The following PPP1R37 variants were observed in gnomAD, a reference collection of about 807,000 sequenced individuals.
PPP1R37 encodes the protein protein phosphatase 1 regulatory subunit 37, also known as leucine rich repeat containing 68.
Under a neutral mutation model 61.0 loss-of-function variants are expected in PPP1R37, and 21 were observed. That is an observed-to-expected ratio of 0.34 (90% CI 0.24 to 0.50). The LOEUF (loss-of-function observed/expected upper bound fraction) is 0.50, where lower values mean the gene tolerates loss of function less well. Among genes scored for constraint, PPP1R37 ranks in the 20% least tolerant of loss-of-function variants. The probability of loss-of-function intolerance (pLI) is 0.98; values close to 1 mark genes in which losing one functional copy is unlikely to be tolerated. For missense variants in PPP1R37, 910 were observed against 952.7 expected (o/e 0.96, Z 0.59); for synonymous variants, 443 against 433.5 (o/e 1.02, Z -0.27).
intron 1 of PPP1R37, among the ~76,000 whole-genome samples, chr19:45,110,771 A>G (rs1007770337): frequency 6.6e-6 from 1 of 152,226 alleles, no homozygotes; most frequent in Non-Finnish European, 1.5e-5. Context: ...AGAAATTCCA[A>G]GCACCTGGTT....
chr19:45,124,514 T>C (rs1339738751), intron 1 of PPP1R37, among the ~76,000 whole-genome samples: 3 of 152,148 alleles, frequency 2.0e-5, no homozygotes, highest in Non-Finnish European at 4.4e-5. Flanking sequence ...CCTGTCTGCC[T>C]GGCCTTTCCT....
At chr19:45,116,530 C>T (rs1016329817) in intron 1 of PPP1R37, among the ~76,000 whole-genome samples, 1 of 152,220 alleles carries the variant, frequency 6.6e-6, no homozygotes, top group African/African-American at 2.4e-5. Flanking sequence ...TCTCAGCAGG[C>T]CTGAGGAGGG....
chr19:45,107,253 G>A (rs1968143984), intron 1 of PPP1R37, among the ~76,000 whole-genome samples: 1 of 151,910 alleles, frequency 6.6e-6, no homozygotes, highest in African/African-American at 2.4e-5. Flanking sequence ...AGCACTTTGG[G>A]AGGCCGAAGA....
chr19:45,138,079 C>A (rs553414814), intron 1 of PPP1R37, among the ~76,000 whole-genome samples: 4 of 152,218 alleles, frequency 2.6e-5, no homozygotes, highest in African/African-American at 9.6e-5. Flanking sequence ...GCCATGTTCT[C>A]ACCACTTTAC....
At chr19:45,124,108 T>G (rs1968372776) in intron 1 of PPP1R37, among the ~76,000 whole-genome samples, 2 of 152,056 alleles carry the variant, frequency 1.3e-5, no homozygotes, top group Non-Finnish European at 1.5e-5. Context: ...CATAGTCCAG[T>G]GGGGGAGACA....
At chr19:45,128,992 C>T (rs1599704850) in intron 1 of PPP1R37, 1 of 827,618 alleles carries the variant, frequency 1.2e-6, no homozygotes, top group Non-Finnish European at 2.0e-6. Flanking sequence ...TCTGCCATGA[C>T]AGAGGAGGCA....
At position 45,121,628 on chromosome 19, in the gene PPP1R37, G is replaced by A. The variant is rs548127948; in HGVS notation, c.203-16886G>A. Among the ~76,000 whole-genome samples the A allele has an allele frequency of 8.5e-5, 13 of 152,346 alleles. No individual in the cohort carries two copies. The highest frequency in any genetic ancestry group is 3.1e-4 in the African/African-American group (13 of 41,582). ...ACGCAAGGACCTGAGAGATGTGTGGGCAGCTGTGTGCAGTGTATACAGGGA... is the reference window on the plus strand; with the variant it reads ...ACGCAAGGACCTGAGAGATGTGTGGACAGCTGTGTGCAGTGTATACAGGGA... On this transcript the variant is annotated intron_variant, in intron 1 of 12. Transcript: ENST00000221462. The surrounding 1 kb of genome is among the most constrained non-coding windows in gnomAD (Gnocchi z 4.2).
At chr19:45,127,115 C>G (rs746891533) in intron 1 of PPP1R37, among the ~76,000 whole-genome samples, 17 of 152,136 alleles carry the variant, frequency 1.1e-4, no homozygotes, top group Admixed American at 3.9e-4. Flanking sequence ...TGTGGGAGTT[C>G]TAGATGGGCG....
chr19:45,111,956 G>T (rs1293258501), intron 1 of PPP1R37, among the ~76,000 whole-genome samples: 1 of 151,678 alleles, frequency 6.6e-6, no homozygotes, highest in Non-Finnish European at 1.5e-5. Context: ...CCTGGGTCTT[G>T]GTTTTTCTTT....
At chr19:45,129,088 C>T in intron 1 of PPP1R37, 2 of 614,466 alleles carry the variant, frequency 3.3e-6, no homozygotes, top group Admixed American at 4.1e-5. Flanking sequence ...TGCAGAGGCC[C>T]CCTCCTCTGG....
At chr19:45,140,946 C>T (rs557553387) in intron 4 of PPP1R37, among the ~76,000 whole-genome samples, 14 of 152,226 alleles carry the variant, frequency 9.2e-5, no homozygotes, top group African/African-American at 3.1e-4. Flanking sequence ...TGAGAGCAGC[C>T]TCCCATCAAG....
chr19:45,144,445 G>C (rs533605648), intron 8 of PPP1R37: 12 of 180,286 alleles, frequency 6.7e-5, no homozygotes, highest in Non-Finnish European at 1.3e-4. Context: ...ACCGTGCCTG[G>C]TTTTCAGTTT....
chr19:45,136,605 A>T (rs1291294846), intron 1 of PPP1R37, among the ~76,000 whole-genome samples: 1 of 152,090 alleles, frequency 6.6e-6, no homozygotes, highest in Non-Finnish European at 1.5e-5. Flanking sequence ...TTCTGTCTGC[A>T]AGAGGGGCAC....
intron 1 of PPP1R37, among the ~76,000 whole-genome samples, chr19:45,106,026 C>T (rs1968125604): frequency 6.6e-6 from 1 of 152,240 alleles, no homozygotes; most frequent in South Asian, 2.1e-4. Flanking sequence ...GCGGGGCCAT[C>T]TGACTGAATG....
At position 45,145,856 on chromosome 19, in the gene PPP1R37, C is replaced by T. The variant is rs1020290394; in HGVS notation, c.1800C>T (p.Ala600=). 9 of 1,526,972 alleles carry T rather than the reference C, an allele frequency of 5.9e-6. No homozygotes were observed. In the African/African-American group the frequency reaches 8.3e-5, roughly 14 times the overall value. The allele number at this position is 1,526,972 out of a possible 1,614,324, so 94.6% of individuals were successfully genotyped here. A position where few individuals can be genotyped will look rare whatever the true frequency, so the allele number is the denominator to read the frequency against. ...CCCCACCCCCTCCCTCCCCACCCGC[C>T]TCACCTTCCCTACCACCAGCCGGGG... ...PSPPPPPSPP[A]SPSLPPAGAI... is the part of the protein sequence containing the mutation. Residue 600 remains alanine (A), a synonymous_variant, in exon 11 of 13, where the codon GCC becomes GCT. Coordinates refer to ENST00000221462, the MANE Select transcript of PPP1R37 (RefSeq NM_019121.2).
intron 7 of PPP1R37, chr19:45,142,735 C>A: frequency 2.1e-6 from 1 of 479,028 alleles, no homozygotes; most frequent in Non-Finnish European, 3.7e-6. Flanking sequence ...CAGGATGAGG[C>A]GAAGTGAATA....
At chr19:45,135,191 T>G (rs943170569) in intron 1 of PPP1R37, among the ~76,000 whole-genome samples, 8 of 152,070 alleles carry the variant, frequency 5.3e-5, no homozygotes, top group African/African-American at 1.9e-4. Flanking sequence ...GAGGTTGCAG[T>G]GGGCTGAGAT....
In PPP1R37 at chr19:45,146,614, A is replaced by G. The variant is rs1968705402; in HGVS notation, c.*52A>G. ...TCTGCGATGAGCTGAGGCCAGAGCC[A>G]TGAGAATCTGCTCACCTTCCCCCCA... On this transcript the variant is annotated 3_prime_UTR_variant, in exon 13 of 13. Coordinates refer to ENST00000221462, the MANE Select transcript of PPP1R37 (RefSeq NM_019121.2). The G allele has an allele frequency of 3.1e-6, 2 of 649,550 alleles. No homozygotes were observed. The highest frequency in any genetic ancestry group is 5.2e-6 in the Non-Finnish European group (2 of 382,824). The allele number at this position is 649,550 out of a possible 1,614,324, so 40.2% of individuals were successfully genotyped here. A position where few individuals can be genotyped will look rare whatever the true frequency, so the allele number is the denominator to read the frequency against.
intron 1 of PPP1R37, among the ~76,000 whole-genome samples, chr19:45,119,482 A>G (rs1445777969): frequency 6.6e-6 from 1 of 152,174 alleles, no homozygotes; most frequent in Admixed American, 6.5e-5. Context: ...GGACATTTTC[A>G]GACACAAGAA....
Sources: allele counts gnomAD v4.1 joint callset (sites outside exome capture counted in the v4.1 genomes callset), GRCh38; gene constraint gnomAD v4.1.1; non-coding constraint Gnocchi (gnomAD v3.1); transcripts MANE v1.5; gene names NCBI Gene and HGNC (gene_info 2026-07-23, HGNC 2026-07-21).